FBXL13: variants seen among roughly 807,000 people sequenced by gnomAD.
The protein encoded by FBXL13 is F-box and leucine rich repeat protein 13.
Under a neutral mutation model 83.6 loss-of-function variants are expected in FBXL13, and 67 were observed. The observed-to-expected ratio is 0.80, with a 90% confidence interval of 0.66 to 0.98. The LOEUF (loss-of-function observed/expected upper bound fraction) is 0.98, where lower values mean the gene tolerates loss of function less well. Ranked by LOEUF, FBXL13 falls within the 50% of genes least tolerant of loss-of-function variation. The pLI is 0.00. For missense variants in FBXL13, 822 were observed against 866.5 expected (o/e 0.95, Z 0.64); for synonymous variants, 272 against 299.5 (o/e 0.91, Z 0.95).
chr7:102,948,236 A>G (rs562120418), intron 8 of FBXL13, among the ~76,000 whole-genome samples: 8 of 148,146 alleles, frequency 5.4e-5, no homozygotes, highest in East Asian at 2.1e-4. Flanking sequence ...GCTAAATTTT[A>G]TATTTTTAGT....
At chr7:103,020,773 C>G (rs956053460) in intron 6 of FBXL13, among the ~76,000 whole-genome samples, 2 of 152,172 alleles carry the variant, frequency 1.3e-5, no homozygotes, top group Non-Finnish European at 2.9e-5. Context: ...ATCCAACTTA[C>G]AAGAAATGTG....
At chr7:103,006,564 A>C (rs1056836739) in intron 6 of FBXL13, among the ~76,000 whole-genome samples, 7 of 152,202 alleles carry the variant, frequency 4.6e-5, no homozygotes, top group African/African-American at 1.7e-4. Context: ...TTTCCCTTAA[A>C]ATGCTTAAAT....
intron 8 of FBXL13, chr7:102,933,280 G>GA (rs1231971501): frequency 6.6e-4 from 100 of 150,506 alleles, no homozygotes; most frequent in East Asian, 1.9e-3. Context: ...GAAAAGGATA[G>GA]AAAAAAAAAA....
At chr7:103,037,509 T>C (rs2129490694) in intron 2 of FBXL13, among the ~76,000 whole-genome samples, 1 of 152,290 alleles carries the variant, frequency 6.6e-6, no homozygotes, top group Admixed American at 6.5e-5. Context: ...ATTTTGTATT[T>C]TATTTTATTA....
At chr7:102,830,767 G>T (rs950603211) in intron 18 of FBXL13, among the ~76,000 whole-genome samples, 5 of 152,188 alleles carry the variant, frequency 3.3e-5, no homozygotes, top group African/African-American at 1.2e-4. Flanking sequence ...AGCCTTCAGT[G>T]TGTACAATAG....
chr7:102,986,899 GTAGA>G (rs1395283585), intron 6 of FBXL13, among the ~76,000 whole-genome samples: 3 of 139,494 alleles, frequency 2.2e-5, no homozygotes, highest in African/African-American at 8.1e-5. Context: ...CAATTAATGA[GTAGA>G]TAAAGAAAAT....
intron 9 of FBXL13, among the ~76,000 whole-genome samples, chr7:102,930,397 T>C (rs1015620272): frequency 1.3e-5 from 2 of 152,156 alleles, no homozygotes; most frequent in Non-Finnish European, 2.9e-5. Flanking sequence ...TCCCTGCCCC[T>C]GTTTTCCTTC....
intron 2 of FBXL13, among the ~76,000 whole-genome samples, chr7:103,032,418 G>A (rs185299264): frequency 1.7e-4 from 26 of 152,004 alleles, no homozygotes; most frequent in Admixed American, 4.6e-4. Context: ...CCTTTTCTTT[G>A]CAACCACAAT....
At chr7:102,973,671 C>G (rs1438957044) in intron 6 of FBXL13, 1 of 766,312 alleles carries the variant, frequency 1.3e-6, no homozygotes, top group East Asian at 2.4e-5. Flanking sequence ...GGACCTACCC[C>G]TCCGCCCCAG....
chr7:103,006,086 G>T (rs1336952270), intron 6 of FBXL13, among the ~76,000 whole-genome samples: 1 of 152,186 alleles, frequency 6.6e-6, no homozygotes, highest in Non-Finnish European at 1.5e-5. Context: ...GGAAAAAAAT[G>T]ACACAAGATC....
intron 16 of FBXL13, among the ~76,000 whole-genome samples, chr7:102,855,830 TG>T (rs1488148272): frequency 1.3e-5 from 2 of 152,054 alleles, no homozygotes; most frequent in Non-Finnish European, 2.9e-5. Context: ...TATTATATCT[TG>T]TTTTTTTTGT....
At chr7:103,014,848 C>T (rs553565165) in intron 6 of FBXL13, among the ~76,000 whole-genome samples, 3 of 134,334 alleles carry the variant, frequency 2.2e-5, no homozygotes, top group East Asian at 2.5e-4. Context: ...GCATGAACCC[C>T]GGGGGGCGGA....
intron 15 of FBXL13, 92 bp from the exon 17 acceptor site, chr7:102,877,685 G>C (rs1415014605): frequency 1.5e-6 from 2 of 1,308,200 alleles, no homozygotes; most frequent in Non-Finnish European, 1.0e-6. Context: ...GAAAACAAAT[G>C]GTATTGAAGC....
At chr7:103,050,612 G>C (rs939958945) in intron 2 of FBXL13, among the ~76,000 whole-genome samples, 1 of 152,178 alleles carries the variant, frequency 6.6e-6, no homozygotes, top group Non-Finnish European at 1.5e-5. Flanking sequence ...AGATAGGAAA[G>C]GAAAGGTAGA....
chr7:102,973,509 T>C (rs1397831500), intron 6 of FBXL13: 3 of 763,466 alleles, frequency 3.9e-6, no homozygotes, highest in Admixed American at 1.7e-5. Context: ...TTTTAGGCCT[T>C]AGCCTGCCTG....
At chr7:102,859,288 G>C (rs1806477217) in intron 16 of FBXL13, among the ~76,000 whole-genome samples, 1 of 152,158 alleles carries the variant, frequency 6.6e-6, no homozygotes, top group Non-Finnish European at 1.5e-5. Flanking sequence ...AGCCGGCAGA[G>C]ATGAGGCCTC....
intron 11 of FBXL13, among the ~76,000 whole-genome samples, chr7:102,906,134 A>G (rs1191772718): frequency 6.6e-6 from 1 of 152,176 alleles, no homozygotes; most frequent in Non-Finnish European, 1.5e-5. Context: ...CTTATTCACT[A>G]TCATGAGAAC....
intron 6 of FBXL13, among the ~76,000 whole-genome samples, chr7:102,998,566 T>C (rs1790052296): frequency 1.3e-5 from 2 of 152,216 alleles, no homozygotes; most frequent in Admixed American, 1.3e-4. Context: ...GCTGTTGGCA[T>C]ATATAAATGC....
At chr7:103,074,576 C>T, upstream of FBXL13, 4 of 1,235,652 alleles carry the variant, frequency 3.2e-6, no homozygotes, top group South Asian at 5.2e-5. Flanking sequence ...TCTGCCCCGC[C>T]TTCCCTCCAC....
Sources: gnomAD v4.1 joint callset for allele counts (sites outside exome capture counted in the v4.1 genomes callset) on GRCh38, gnomAD v4.1.1 for gene constraint, MANE v1.5 for transcripts, NCBI Gene and HGNC (gene_info 2026-07-23, HGNC 2026-07-21) for gene names.